The following MYO16 variants were observed in gnomAD, a reference collection of about 807,000 sequenced individuals.
The protein encoded by MYO16 is unconventional myosin-XVI.
In MYO16, 94 loss-of-function variants were observed where a neutral mutation model predicts 205.3. The ratio of observed to expected loss-of-function variants is 0.46; its 90% CI spans 0.39 to 0.54. The LOEUF is 0.54. Among genes scored for constraint, MYO16 ranks in the 20% least tolerant of loss-of-function variants. MYO16 has a pLI of 0.00. For synonymous variants in MYO16, 988 were observed against 954.0 expected (o/e 1.04, Z -0.66); for missense variants, 2,315 against 2,387.5 (o/e 0.97, Z 0.63).
At chr13:108,576,594 A>G in the MYO16 span, among the ~76,000 whole-genome samples, 2 of 152,214 alleles carry the variant, frequency 1.3e-5, no homozygotes, top group Admixed American at 1.3e-4. Context: ...TTTGAAAGTA[A>G]CTGCTCTTAG....
At chr13:109,121,484 C>G (rs541555984) in intron 29 of MYO16, among the ~76,000 whole-genome samples, 13 of 152,238 alleles carry the variant, frequency 8.5e-5, no homozygotes, top group African/African-American at 3.1e-4. Flanking sequence ...TGGCAACATC[C>G]TCCTTTGGCC....
At chr13:108,967,690 G>A (rs149286945) in intron 20 of MYO16, among the ~76,000 whole-genome samples, 191 of 152,198 alleles carry the variant, frequency 1.3e-3, no homozygotes, top group South Asian at 3.3e-3. Flanking sequence ...AATAATAACA[G>A]TAATAAAAAA....
At chr13:108,934,041 G>A (rs532418986) in intron 16 of MYO16, among the ~76,000 whole-genome samples, 1 of 152,244 alleles carries the variant, frequency 6.6e-6, no homozygotes, top group South Asian at 2.1e-4. Flanking sequence ...TTGCTATTGA[G>A]AATAATGCTG....
intron 2 of MYO16, among the ~76,000 whole-genome samples, chr13:108,683,678 T>C (rs1882555803): frequency 6.6e-6 from 1 of 152,190 alleles, no homozygotes; most frequent in South Asian, 2.1e-4. Flanking sequence ...AGAAAAAGAA[T>C]TACCTTCTTG....
chr13:109,025,835 A>G (rs780703082), intron 23 of MYO16, among the ~76,000 whole-genome samples: 1 of 152,238 alleles, frequency 6.6e-6, no homozygotes, highest in Non-Finnish European at 1.5e-5. Flanking sequence ...CAAATAGATT[A>G]GGAGATAGTA....
At chr13:108,715,622 A>G (rs1037692705) in intron 3 of MYO16, among the ~76,000 whole-genome samples, 1 of 152,148 alleles carries the variant, frequency 6.6e-6, no homozygotes, top group African/African-American at 2.4e-5. Context: ...TGACACTGTG[A>G]TAGATATTGG....
intron 16 of MYO16, among the ~76,000 whole-genome samples, chr13:108,912,446 A>G (rs1881310710): frequency 6.6e-6 from 1 of 152,190 alleles, no homozygotes; most frequent in Non-Finnish European, 1.5e-5. Flanking sequence ...ATGGTAACCC[A>G]GGCAAAAGTG....
chr13:109,126,125 C>T (rs1876235820), intron 30 of MYO16, among the ~76,000 whole-genome samples: 1 of 152,178 alleles, frequency 6.6e-6, no homozygotes, highest in South Asian at 2.1e-4. Flanking sequence ...AAATGACTCT[C>T]CTTTCCCATT....
intron 2 of MYO16, among the ~76,000 whole-genome samples, chr13:108,696,932 T>C (rs1883113381): frequency 6.6e-6 from 1 of 150,596 alleles, no homozygotes; most frequent in South Asian, 2.1e-4. Context: ...TTTCTGGCCA[T>C]GTAATACTTT....
chr13:108,897,615 G>T (rs1880491757), intron 14 of MYO16, among the ~76,000 whole-genome samples: 2 of 152,222 alleles, frequency 1.3e-5, no homozygotes, highest in Admixed American at 6.5e-5. Context: ...ATTGTAAAAT[G>T]AATTCTGACT....
At chr13:109,005,676 G>A (rs1004540713) in intron 21 of MYO16, among the ~76,000 whole-genome samples, 69 of 152,024 alleles carry the variant, frequency 4.5e-4, no homozygotes, top group African/African-American at 1.5e-3. Context: ...TAATCACCCC[G>A]TTTCTGAAGA....
chr13:108,787,517 C>A (rs139112819), intron 5 of MYO16, among the ~76,000 whole-genome samples: 1 of 152,170 alleles, frequency 6.6e-6, no homozygotes, highest in South Asian at 2.1e-4. Flanking sequence ...TAAACCTCTC[C>A]AACTCATTAC....
chr13:108,799,933 A>G (rs1455944864), intron 6 of MYO16, among the ~76,000 whole-genome samples: 1 of 152,198 alleles, frequency 6.6e-6, no homozygotes, highest in Non-Finnish European at 1.5e-5. Context: ...TTTTTAACTG[A>G]GCCCTCTTTA....
Position 109,140,984 on chromosome 13 carries a change from C to A in MYO16, c.4772C>A (p.Pro1591Gln), listed in dbSNP as rs747487216. 63 of 1,374,626 alleles carry A rather than the reference C, an allele frequency of 4.6e-5. No individual in the cohort carries two copies. The African/African-American group carries it at 8.5e-4, about 18-fold the overall frequency. 85.2% of individuals were successfully genotyped at this position (1,374,626 alleles called of 1,614,324 possible). A position where few individuals can be genotyped will look rare whatever the true frequency, so the allele number is the denominator to read the frequency against. ...TTCAACGGGTCCGGCCGAGCCTCCC[C>A]GCCGTCCACGCCGCCCCCGCCCCCG... The part of the protein sequence containing the change: ...ALFNGSGRAS[P>Q]PSTPPPPPPP... Residue 1591 changes from proline (P) to glutamine (Q), a missense_variant, in exon 32 of 35, where the codon CCG (proline) becomes CAG (glutamine). By Grantham distance (76) the Pro-to-Gln change is moderately conservative. Coordinates refer to ENST00000457511, the MANE Select transcript of MYO16 (RefSeq NM_001198950.3). This position sits in a 1 kb window ranked among gnomAD's most constrained non-coding sequence, Gnocchi z 8.0.
intron 23 of MYO16, among the ~76,000 whole-genome samples, chr13:109,030,692 A>G (rs377206042): frequency 1.1e-4 from 17 of 152,034 alleles, no homozygotes; most frequent in African/African-American, 4.1e-4. Context: ...TCTCCACTCT[A>G]TTTCTGCTGT....
chr13:108,789,175 G>A (rs1042483308), intron 5 of MYO16, among the ~76,000 whole-genome samples: 1 of 152,126 alleles, frequency 6.6e-6, no homozygotes, highest in Non-Finnish European at 1.5e-5. Context: ...TCCTTTCACT[G>A]TGTGTATTTC....
chr13:108,577,868 C>T, the MYO16 span, among the ~76,000 whole-genome samples: 4 of 152,106 alleles, frequency 2.6e-5, no homozygotes, highest in Admixed American at 2.0e-4. Flanking sequence ...TTTACCCCAC[C>T]CCGATATCTC....
chr13:108,693,978 G>T (rs1302075386), intron 2 of MYO16, among the ~76,000 whole-genome samples: 1 of 152,128 alleles, frequency 6.6e-6, no homozygotes, highest in African/African-American at 2.4e-5. Flanking sequence ...TTCTGTTCCT[G>T]TGTTAGTTTG....
intron 32 of MYO16, among the ~76,000 whole-genome samples, chr13:109,156,026 G>T (rs1404812191): frequency 6.6e-6 from 1 of 152,186 alleles, no homozygotes; most frequent in Non-Finnish European, 1.5e-5. Flanking sequence ...TATAAAGTAG[G>T]ATGCAGGTCG....
Sources: gnomAD v4.1 joint callset for allele counts (sites outside exome capture counted in the v4.1 genomes callset) on GRCh38, gnomAD v4.1.1 for gene constraint, Gnocchi (gnomAD v3.1) non-coding constraint, MANE v1.5 for transcripts, NCBI Gene and HGNC (gene_info 2026-07-23, HGNC 2026-07-21) for gene names.